CEP128: variants seen among roughly 807,000 people sequenced by gnomAD.
CEP128 encodes centrosomal protein 128, also known as centrosomal protein 128kDa.
A neutral mutation model predicts 156.7 loss-of-function variants in CEP128; 132 were observed. The observed-to-expected ratio is 0.84, with a 90% CI of 0.73 to 0.97. CEP128 has a LOEUF of 0.97. Ranked by LOEUF, CEP128 falls within the 50% of genes least tolerant of loss-of-function variation. CEP128 has a pLI of 0.00. For synonymous variants in CEP128, 469 were observed against 448.9 expected, an observed-to-expected ratio of 1.04 and a Z score of -0.57; for missense variants, 1,252 against 1,281.9, an observed-to-expected ratio of 0.98 and a Z score of 0.36.
At chr14:80,565,560 AT>A (rs1566783565) in intron 20 of CEP128, among the ~76,000 whole-genome samples, 2 of 152,134 alleles carry the variant, frequency 1.3e-5, no homozygotes, top group African/African-American at 4.8e-5. Context: ...AGGTGAACCC[AT>A]TGGGTGGATA....
chr14:80,722,505 A>G (rs1274005500), intron 19 of CEP128, among the ~76,000 whole-genome samples: 1 of 151,760 alleles, frequency 6.6e-6, no homozygotes, highest in East Asian at 1.9e-4. Flanking sequence ...ATATTTATAT[A>G]TTACAGACGC....
chr14:80,852,117 G>A (rs1034469253), intron 9 of CEP128, among the ~76,000 whole-genome samples: 2 of 151,878 alleles, frequency 1.3e-5, no homozygotes, highest in Admixed American at 1.3e-4. Flanking sequence ...ACATGCACAA[G>A]CACATAAAAT....
upstream of CEP128, among the ~76,000 whole-genome samples, chr14:80,946,003 A>T (rs1886331428): frequency 6.6e-6 from 1 of 152,230 alleles, no homozygotes; most frequent in African/African-American, 2.4e-5. Flanking sequence ...CAAGTCCGTT[A>T]TAATGCCTAT....
chr14:80,620,745 C>T (rs989556322), intron 19 of CEP128, among the ~76,000 whole-genome samples: 16 of 152,234 alleles, frequency 1.1e-4, no homozygotes, highest in South Asian at 2.1e-4. Flanking sequence ...ATCCTAAGAT[C>T]CTCTTAATAT....
intron 8 of CEP128, among the ~76,000 whole-genome samples, chr14:80,884,136 G>A (rs984709600): frequency 6.6e-6 from 1 of 152,042 alleles, no homozygotes; most frequent in African/African-American, 2.4e-5. Context: ...AAGAAACACT[G>A]GGGACCAAAC....
chr14:80,630,021 G>A (rs751258435), intron 19 of CEP128, among the ~76,000 whole-genome samples: 1 of 151,746 alleles, frequency 6.6e-6, no homozygotes, highest in East Asian at 1.9e-4. Flanking sequence ...TAAAATTTTA[G>A]GATATTTTAA....
chr14:80,778,027 T>G lies in CEP128; in HGVS notation c.2231A>C (p.Lys744Thr), dbSNP rs887799975. 6.2e-7 allele frequency: 1 copy of G among 1,613,162 alleles called. No homozygotes were observed. Among genetic ancestry groups the G allele is most frequent in the Non-Finnish European group, 8.5e-7 (1 of 1,179,856 alleles). The change falls in exon 16 of 25, where the codon AAG (lysine) becomes ACG (threonine). Residue 744 changes from lysine to threonine, a missense_variant. Coordinates refer to ENST00000555265, the MANE Select transcript of CEP128 (RefSeq NM_152446.5). ...RTLKAESLEE[K>T]NMAKIHRGQL... is the part of the protein sequence containing the mutation. ...ACCACGATGAATTTTAGCCATATTC[T>G]TCTCTTCTAAACTTTCAGCCTGAGA...
rs1888987148 is a variant in CEP128, at chr14:80,526,712, C to T, written c.3072+157G>A. 3.5e-5 allele frequency: 17 copies of T among 479,286 alleles called. 1 individual carries two copies. In the South Asian group the frequency reaches 5.1e-4, roughly 14 times the overall value. The allele number at this position is 479,286 out of a possible 1,614,324, so 29.7% of individuals were successfully genotyped here. On this transcript the variant is annotated intron_variant, in intron 23 of 24. Transcript: ENST00000555265. ...TAGGCACAAACTCTGGATTTTTATT[C>T]TCCATTTCCACAGAATTGAAAGTCT...
chr14:80,920,043 A>T (rs1594847452), intron 2 of CEP128, among the ~76,000 whole-genome samples: 1 of 152,186 alleles, frequency 6.6e-6, no homozygotes, highest in African/African-American at 2.4e-5. Flanking sequence ...TAAATGTTAA[A>T]CTAAGTAAAA....
At chr14:80,778,280 A>T (rs572700727) in intron 15 of CEP128, among the ~76,000 whole-genome samples, 1 of 152,152 alleles carries the variant, frequency 6.6e-6, no homozygotes, top group Non-Finnish European at 1.5e-5. Flanking sequence ...TGCTAAAGAT[A>T]ACAGATATGA....
chr14:80,726,687 A>G (rs1898032562), intron 19 of CEP128, among the ~76,000 whole-genome samples: 1 of 152,222 alleles, frequency 6.6e-6, no homozygotes, highest in African/African-American at 2.4e-5. Context: ...GAACTTAAGG[A>G]GAAAAATGTA....
At chr14:80,673,608 T>C (rs1291290960) in intron 19 of CEP128, among the ~76,000 whole-genome samples, 1 of 110,598 alleles carries the variant, frequency 9.0e-6, no homozygotes, top group Admixed American at 1.4e-4. Context: ...ATCCCGCCAC[T>C]GCACTCCAGC....
At chr14:80,559,235 A>G (rs1033704987) in intron 21 of CEP128, 44 bp downstream of exon 21, 2 of 1,544,342 alleles carry the variant, frequency 1.3e-6, no homozygotes, top group Admixed American at 3.5e-5. Flanking sequence ...ATCAGGAGAC[A>G]GCAGTAATTC....
intron 16 of CEP128, among the ~76,000 whole-genome samples, chr14:80,762,613 T>A (rs1900026230): frequency 6.6e-6 from 1 of 152,290 alleles, no homozygotes; most frequent in East Asian, 1.9e-4. Flanking sequence ...AAATGAAACA[T>A]CCTCTGCCAG....
At chr14:80,740,931 C>T (rs562491122) in intron 19 of CEP128, among the ~76,000 whole-genome samples, 4 of 152,150 alleles carry the variant, frequency 2.6e-5, no homozygotes, top group African/African-American at 4.8e-5. Context: ...AAGGTCCCAC[C>T]TAATAAAACA....
At chr14:80,683,414 C>G (rs1201590780) in intron 19 of CEP128, among the ~76,000 whole-genome samples, 1 of 149,090 alleles carries the variant, frequency 6.7e-6, no homozygotes, top group East Asian at 1.9e-4. Flanking sequence ...AACAAGAAGA[C>G]TTACCTATCC....
At chr14:80,718,261 T>A (rs1897683996) in intron 19 of CEP128, among the ~76,000 whole-genome samples, 1 of 152,300 alleles carries the variant, frequency 6.6e-6, no homozygotes, top group African/African-American at 2.4e-5. Flanking sequence ...TTAACTCTAA[T>A]ATAGAGATGA....
chr14:80,803,355 T>TAAA (rs11374763), intron 13 of CEP128, among the ~76,000 whole-genome samples: 7 of 143,816 alleles, frequency 4.9e-5, no homozygotes, highest in African/African-American at 1.3e-4. Flanking sequence ...AGCCCTATGT[T>TAAA]AAAAAAAAAA....
At chr14:80,704,484 A>G (rs1271589885) in intron 19 of CEP128, among the ~76,000 whole-genome samples, 1 of 152,106 alleles carries the variant, frequency 6.6e-6, no homozygotes, top group Non-Finnish European at 1.5e-5. Flanking sequence ...TGTGTAGAAT[A>G]TGTACACATT....
Sources: allele counts gnomAD v4.1 joint callset (sites outside exome capture counted in the v4.1 genomes callset), GRCh38; gene constraint gnomAD v4.1.1; transcripts MANE v1.5; gene names NCBI Gene and HGNC (gene_info 2026-07-23, HGNC 2026-07-21).